RPTOR: variants seen among roughly 807,000 people sequenced by gnomAD.
RPTOR encodes regulatory associated protein of MTOR complex 1.
RPTOR carries 21 observed loss-of-function variants against 169.9 expected under a neutral mutation model. The ratio of observed to expected loss-of-function variants is 0.12; its 90% CI spans 0.09 to 0.18. The LOEUF (loss-of-function observed/expected upper bound fraction) is 0.18. Among genes scored for constraint, RPTOR ranks in the 10% least tolerant of loss-of-function variants. The probability of loss-of-function intolerance (pLI) is 1.00; values close to 1 mark genes in which losing one functional copy is unlikely to be tolerated. For missense variants in RPTOR, 1,133 were observed against 1,855.9 expected, an observed-to-expected ratio of 0.61 and a Z score of 7.16; for synonymous variants, 732 against 753.2, an observed-to-expected ratio of 0.97 and a Z score of 0.46.
In RPTOR at chr17:80,869,431, C is replaced by A. The variant is rs529941405; in HGVS notation, c.1510-10984C>A. ...CTCAGCCTCTAAAGTGCTGGGATTA[C>A]AGGCGTGAGCCACTACACCTGGCCC... On this transcript the variant is annotated intron_variant, in intron 13 of 33. Coordinates refer to ENST00000306801, the MANE Select transcript of RPTOR (RefSeq NM_020761.3). Among the ~76,000 whole-genome samples, 3 of 152,278 alleles carry A rather than the reference C, an allele frequency of 2.0e-5. No homozygotes were observed. The South Asian group carries it at 6.2e-4, about 32-fold the overall frequency.
At chr17:80,930,358 GCTCATC>G (rs2068873054) in intron 24 of RPTOR, among the ~76,000 whole-genome samples, 3 of 36,246 alleles carry the variant, frequency 8.3e-5, no homozygotes, top group East Asian at 5.1e-4. Context: ...CTCATCCCCA[GCTCATC>G]CTCAGCTCAT....
chr17:80,918,595 G>T lies in RPTOR; in HGVS notation c.2521-4129G>T, dbSNP rs999481302. Among the ~76,000 whole-genome samples, 7 of 152,152 alleles carry T rather than the reference G, an allele frequency of 4.6e-5. No individual in the cohort carries two copies. In the South Asian group the frequency reaches 6.2e-4, roughly 14 times the overall value. On this transcript the variant is annotated intron_variant, in intron 21 of 33. Coordinates refer to ENST00000306801, the MANE Select transcript of RPTOR (RefSeq NM_020761.3). Reference sequence around the variant, plus strand: ...ACTAGGTTGGCTCTTGGAGCCTGGGGCTCCTTCAGGCAAGGACAAGCACCA... The same window carrying T: ...ACTAGGTTGGCTCTTGGAGCCTGGGTCTCCTTCAGGCAAGGACAAGCACCA...
rs1052426911 is a variant in RPTOR, at chr17:80,746,067, C to T, written c.655-7943C>T. Among the ~76,000 whole-genome samples, 2 of 151,514 alleles carry T rather than the reference C, an allele frequency of 1.3e-5. No homozygotes were observed. Among genetic ancestry groups the T allele is most frequent in the African/African-American group, 2.4e-5 (1 of 41,210 alleles). ...ATCCCAGCTACTTGAGAGGCTGAGG[C>T]GGGAGAATCGCTTGAACCCAGGAGG... On this transcript the variant is annotated intron_variant, in intron 5 of 33. Transcript: ENST00000306801. This position sits in a 1 kb window ranked among gnomAD's most constrained non-coding sequence, Gnocchi z 4.5.
chr17:80,628,179 T>G (rs1205676458), intron 2 of RPTOR, among the ~76,000 whole-genome samples: 1 of 152,060 alleles, frequency 6.6e-6, no homozygotes, highest in Non-Finnish European at 1.5e-5. Context: ...GAACTGTCGG[T>G]TTTTTAAAGA....
rs1219407020 is a variant in RPTOR at position 80,841,716 on chromosome 17, T to C, written c.1212+3719T>C. ...CATCTCACTCTCACCGCACGGCAGC[T>C]CACTCTCACCACACCGCAGCTCACT... On this transcript the variant is annotated intron_variant, in intron 10 of 33. Coordinates refer to ENST00000306801, the MANE Select transcript of RPTOR (RefSeq NM_020761.3). 1.2e-4 allele frequency among the ~76,000 whole-genome samples: 16 copies of C among 129,486 alleles called. 1 individual carries two copies. 84.9% of individuals were successfully genotyped at this position (129,486 alleles called of 152,430 possible). A position where few individuals can be genotyped will look rare whatever the true frequency, so the allele number is the denominator to read the frequency against.
intron 7 of RPTOR, among the ~76,000 whole-genome samples, chr17:80,807,879 T>C (rs74001094): frequency 0.055 from 8,437 of 152,266 alleles, 874 homozygotes; most frequent in African/African-American, 0.19. Context: ...GTTACAACTC[T>C]TTAAAAATGT....
At chr17:80,945,541 A>G (rs541572485) in intron 25 of RPTOR, 126 bp from the exon 26 acceptor site, 18 of 525,704 alleles carry the variant, frequency 3.4e-5, no homozygotes, top group South Asian at 1.7e-4. Context: ...GCAGTGAGCC[A>G]AGATTGCACC....
intron 28 of RPTOR, among the ~76,000 whole-genome samples, chr17:80,950,868 G>A (rs781770382): frequency 1.3e-5 from 2 of 152,202 alleles, no homozygotes; most frequent in Non-Finnish European, 2.9e-5. Context: ...TTCTGGGGTC[G>A]CTCAGAGGCA....
intron 7 of RPTOR, among the ~76,000 whole-genome samples, chr17:80,792,829 C>T (rs923068519): frequency 1.3e-5 from 2 of 152,024 alleles, no homozygotes; most frequent in Admixed American, 6.6e-5. Flanking sequence ...TTTTATTTCC[C>T]CCTCTGTTTT....
In RPTOR at chr17:80,770,625, A is replaced by G. The variant is rs117984413; in HGVS notation, c.830+16440A>G. Among the ~76,000 whole-genome samples the G allele has an allele frequency of 9.6e-4, 146 of 152,296 alleles. 2 individuals carry two copies. The East Asian group carries it at 0.025, about 26-fold the overall frequency. Reference sequence around the variant, plus strand: ...GACAACGATATCATCAGTTGTGAACACATCTTCTCTGTTACTGTTCAAGAA... The same window carrying G: ...GACAACGATATCATCAGTTGTGAACGCATCTTCTCTGTTACTGTTCAAGAA... On this transcript the variant is annotated intron_variant, in intron 6 of 33. Transcript: ENST00000306801.
At chr17:80,852,026 C>G (rs375320068) in intron 11 of RPTOR, among the ~76,000 whole-genome samples, 2 of 152,186 alleles carry the variant, frequency 1.3e-5, no homozygotes, top group African/African-American at 4.8e-5. Flanking sequence ...CCTGGGTCAT[C>G]TAGAAACTTG....
rs530030053 is a variant in RPTOR, at chr17:80,965,344, G to C, written c.*1014G>C. Reference sequence around the variant, plus strand: ...CAGGCAAGAGGCACTGCCGGGTCCCGGACGGCTCCGGGTGACACCAGCCCC... The same window carrying C: ...CAGGCAAGAGGCACTGCCGGGTCCCCGACGGCTCCGGGTGACACCAGCCCC... On this transcript the variant is annotated 3_prime_UTR_variant, in exon 34 of 34. Coordinates refer to ENST00000306801, the MANE Select transcript of RPTOR (RefSeq NM_020761.3). 61 of 233,316 alleles carry C rather than the reference G, an allele frequency of 2.6e-4. No homozygotes were observed. The highest frequency in any genetic ancestry group is 3.0e-4 in the Non-Finnish European group (36 of 118,080). 14.5% of individuals were successfully genotyped at this position (233,316 alleles called of 1,614,324 possible). A position where few individuals can be genotyped will look rare whatever the true frequency, so the allele number is the denominator to read the frequency against.
chr17:80,945,596 AAAAT>A lies in RPTOR; in HGVS notation c.3026-56_3026-53del, dbSNP rs1166217608. ...GACAGAGCGAGACTCCGTCTCAAAA[AAAAT>A]AAATAAATAAATAAGGGGGAAAAGA... On this transcript the variant is annotated intron_variant, in intron 25 of 33. Coordinates refer to ENST00000306801, the MANE Select transcript of RPTOR (RefSeq NM_020761.3). 1.1e-4 allele frequency: 118 copies of A among 1,063,040 alleles called. 1 individual carries two copies. The highest frequency in any genetic ancestry group is 1.3e-4 in the East Asian group (5 of 37,100). The allele number at this position is 1,063,040 out of a possible 1,614,324, so 65.9% of individuals were successfully genotyped here.
intron 13 of RPTOR, among the ~76,000 whole-genome samples, chr17:80,874,328 C>T (rs1473374596): frequency 1.3e-5 from 2 of 151,818 alleles, no homozygotes; most frequent in East Asian, 3.9e-4. Context: ...TCCCAAGTAA[C>T]TGGGACCACA....
chr17:80,887,795 G>C (rs1231728571), intron 17 of RPTOR, among the ~76,000 whole-genome samples: 1 of 152,192 alleles, frequency 6.6e-6, no homozygotes, highest in Non-Finnish European at 1.5e-5. Flanking sequence ...TGGCCGAGTA[G>C]GTTTTGTTTG....
chr17:80,808,847 A>C (rs1057260914), intron 7 of RPTOR, among the ~76,000 whole-genome samples: 1 of 152,170 alleles, frequency 6.6e-6, no homozygotes, highest in African/African-American at 2.4e-5. Flanking sequence ...TGGGAGTATC[A>C]GTAGTGTGTT....
intron 20 of RPTOR, among the ~76,000 whole-genome samples, chr17:80,902,608 T>TA (rs1312455610): frequency 6.6e-6 from 1 of 152,274 alleles, no homozygotes; most frequent in Non-Finnish European, 1.5e-5. Flanking sequence ...CCTCTGCACT[T>TA]ATCTGTGTTC....
intron 1 of RPTOR, among the ~76,000 whole-genome samples, chr17:80,617,601 C>G (rs550390705): frequency 6.6e-6 from 1 of 152,284 alleles, no homozygotes; most frequent in South Asian, 2.1e-4. Context: ...AATCCTAGGG[C>G]TCAGAGCACT....
chr17:80,710,482 C>A (rs544004369), intron 4 of RPTOR, among the ~76,000 whole-genome samples: 41 of 151,970 alleles, frequency 2.7e-4, no homozygotes, highest in Non-Finnish European at 5.0e-4. Context: ...AAAACAATCA[C>A]CATTATCGAA....
Sources: allele counts gnomAD v4.1 joint callset (sites outside exome capture counted in the v4.1 genomes callset), GRCh38; gene constraint gnomAD v4.1.1; non-coding constraint Gnocchi (gnomAD v3.1); transcripts MANE v1.5; gene names NCBI Gene and HGNC (gene_info 2026-07-23, HGNC 2026-07-21).